LIMCH1: variants seen among roughly 807,000 people sequenced by gnomAD.
LIMCH1 encodes the protein LIM and calponin homology domains-containing protein 1.
LIMCH1 carries 113 observed loss-of-function variants against 176.5 expected under a neutral mutation model. The observed-to-expected ratio is 0.64, with a 90% confidence interval of 0.55 to 0.75. The LOEUF is 0.75. LIMCH1 is among the 30% of genes least tolerant of loss of function. The pLI, the probability that LIMCH1 is intolerant of heterozygous loss-of-function variation, is 0.00. For missense variants in LIMCH1, 1,674 were observed against 1,814.9 expected (o/e 0.92, Z 1.41); for synonymous variants, 619 against 645.9 (o/e 0.96, Z 0.63).
intron 1 of LIMCH1, among the ~76,000 whole-genome samples, chr4:41,397,614 T>C (rs996800854): frequency 6.6e-6 from 1 of 152,008 alleles, no homozygotes; most frequent in Non-Finnish European, 1.5e-5. Flanking sequence ...AAATTTTGTG[T>C]GTTTAAAGAG....
intron 1 of LIMCH1, among the ~76,000 whole-genome samples, chr4:41,560,969 A>G (rs2081991714): frequency 6.6e-6 from 1 of 151,650 alleles, no homozygotes; most frequent in South Asian, 2.1e-4. Context: ...GTGAGCCATG[A>G]TTACAGCACT....
At chr4:41,565,337 T>G (rs1436349090) in intron 1 of LIMCH1, among the ~76,000 whole-genome samples, 1 of 143,536 alleles carries the variant, frequency 7.0e-6, no homozygotes, top group African/African-American at 2.8e-5. Context: ...AGAAGTTAGC[T>G]ATTTCGGATA....
Position 41,646,616 on chromosome 4 carries a change from C to G in LIMCH1, c.2543C>G (p.Pro848Arg), listed in dbSNP as rs778862228. 6.2e-7 allele frequency: 1 copy of G among 1,613,994 alleles called. No homozygotes were observed. Among genetic ancestry groups the G allele is most frequent in the Non-Finnish European group, 8.5e-7 (1 of 1,180,044 alleles). Residue 848 changes from proline (P) to arginine (R), a missense_variant, in exon 17 of 32, where the codon CCA becomes CGA. Pro to Arg is a moderately radical substitution (Grantham distance 103, BLOSUM62 -2). Coordinates refer to ENST00000503057, the MANE Select transcript of LIMCH1 (RefSeq NM_001330672.2). ...GCTGTTCTCGAACGCTTGGAGATGC[C>G]AAAAATTCTGGAAAGAAGCCATTCA... ...SEAVLERLEM[P>R]KILERSHSTE...
chr4:41,414,459 C>T (rs2059750338), intron 1 of LIMCH1, among the ~76,000 whole-genome samples: 1 of 152,202 alleles, frequency 6.6e-6, no homozygotes, highest in African/African-American at 2.4e-5. Context: ...TTGATCCTTA[C>T]CGTAGTGATT....
In LIMCH1 at chr4:41,631,241, A is replaced by G. The variant is rs1278842356; in HGVS notation, c.1365A>G (p.Ala455=). ...GTGATGACTTTGCCAACCGCAAAGCAAGGGCCTCTAAGAAAGCTTCCAGCC... is the reference window on the plus strand; with the variant it reads ...GTGATGACTTTGCCAACCGCAAAGCGAGGGCCTCTAAGAAAGCTTCCAGCC... ...AIRDDFANRK[A]RASKKASSPR... The change falls in exon 10 of 32, where the codon GCA becomes GCG. Residue 455 remains alanine (A), a synonymous_variant. Coordinates refer to ENST00000503057, the MANE Select transcript of LIMCH1 (RefSeq NM_001330672.2). 2 of 1,536,054 alleles carry G rather than the reference A, an allele frequency of 1.3e-6. No individual in the cohort carries two copies. The highest frequency in any genetic ancestry group is 1.7e-6 in the Non-Finnish European group (2 of 1,146,928).
At chr4:41,368,387 A>G (rs185595093) in intron 1 of LIMCH1, among the ~76,000 whole-genome samples, 1 of 152,364 alleles carries the variant, frequency 6.6e-6, no homozygotes, top group East Asian at 1.9e-4. Flanking sequence ...TCCTGCCCTC[A>G]TGAAATATAC....
intron 14 of LIMCH1, among the ~76,000 whole-genome samples, chr4:41,640,545 A>C (rs2093776586): frequency 6.6e-6 from 1 of 152,206 alleles, no homozygotes; most frequent in Admixed American, 6.5e-5. Flanking sequence ...AGGGACCAAG[A>C]AGAGTAAAAG....
intron 1 of LIMCH1, among the ~76,000 whole-genome samples, chr4:41,569,665 A>G (rs1235132651): frequency 6.6e-6 from 1 of 152,166 alleles, no homozygotes; most frequent in Admixed American, 6.5e-5. Flanking sequence ...AATATATTGT[A>G]TGTACTCGGA....
At chr4:41,438,216 G>A (rs1273331027) in intron 1 of LIMCH1, among the ~76,000 whole-genome samples, 2 of 152,106 alleles carry the variant, frequency 1.3e-5, no homozygotes, top group Non-Finnish European at 2.9e-5. Flanking sequence ...GAACAGAGAT[G>A]TACCCTCCAT....
chr4:41,454,947 T>C (rs1448689197), intron 1 of LIMCH1, among the ~76,000 whole-genome samples: 4 of 126,594 alleles, frequency 3.2e-5, no homozygotes, highest in African/African-American at 1.7e-4. Context: ...TACATGTGTG[T>C]GTGTGTGTGT....
chr4:41,646,288 C>G lies in LIMCH1; in HGVS notation c.2411+8C>G, dbSNP rs1434056034. 8.1e-6 allele frequency: 13 copies of G among 1,597,362 alleles called. No individual in the cohort carries two copies. Among genetic ancestry groups the G allele is most frequent in the Non-Finnish European group, 1.1e-5 (13 of 1,175,626 alleles). ...AGAAATTGTTCAAGAAAAGTGAGTTCTTTCTGTTGTCGTTTTTAATGTACA... is the reference window on the plus strand; with the variant it reads ...AGAAATTGTTCAAGAAAAGTGAGTTGTTTCTGTTGTCGTTTTTAATGTACA... On this transcript the variant is annotated splice_region_variant and intron_variant, in intron 16 of 31. Transcript: ENST00000503057.
rs144739692 is a variant in LIMCH1 at position 41,514,095 on chromosome 4, G to A, written c.168-10314G>A. ...TAAATCGTTAGCAGGTCTAAAGTCC[G>A]TGATAGTTCCAAAACTGATGTTTTG... On this transcript the variant is annotated intron_variant, in intron 2 of 26. Transcript: ENST00000313860. 6.9e-5 allele frequency among the ~76,000 whole-genome samples: 10 copies of A among 144,784 alleles called. No homozygotes were observed. In the East Asian group the frequency reaches 1.3e-3, roughly 18 times the overall value. 95.0% of individuals were successfully genotyped at this position (144,784 alleles called of 152,430 possible).
At chr4:41,498,971 C>G (rs978044670) in intron 2 of LIMCH1, among the ~76,000 whole-genome samples, 1 of 151,704 alleles carries the variant, frequency 6.6e-6, no homozygotes, top group African/African-American at 2.4e-5. Flanking sequence ...CTATATGTGG[C>G]TCACAAAGCC....
chr4:41,433,748 G>A (rs1303340338), intron 1 of LIMCH1, among the ~76,000 whole-genome samples: 2 of 151,726 alleles, frequency 1.3e-5, no homozygotes, highest in Non-Finnish European at 2.9e-5. Flanking sequence ...GAAAGTGGCA[G>A]CATGTTACTT....
At chr4:41,638,381 G>A (rs941285001) in intron 13 of LIMCH1, among the ~76,000 whole-genome samples, 8 of 152,136 alleles carry the variant, frequency 5.3e-5, no homozygotes, top group Non-Finnish European at 8.8e-5. Flanking sequence ...AAATGCATGC[G>A]GAAGGCACTG....
chr4:41,566,594 T>C (rs926059033), intron 1 of LIMCH1, among the ~76,000 whole-genome samples: 1 of 151,976 alleles, frequency 6.6e-6, no homozygotes, highest in African/African-American at 2.4e-5. Context: ...TGAGGAGAAG[T>C]CACTAGGAGC....
intron 5 of LIMCH1, among the ~76,000 whole-genome samples, chr4:41,613,987 G>A (rs1185037026): frequency 1.3e-5 from 2 of 152,188 alleles, no homozygotes; most frequent in African/African-American, 2.4e-5. Context: ...GTGTGCTGGA[G>A]GTTTATATAC....
chr4:41,511,153 G>A (rs1301940998), intron 2 of LIMCH1, among the ~76,000 whole-genome samples: 2 of 152,140 alleles, frequency 1.3e-5, no homozygotes, highest in Non-Finnish European at 2.9e-5. Context: ...CTGTCTGGGT[G>A]CAATGATTCT....
Position 41,687,833 on chromosome 4 carries a change from A to G in LIMCH1, c.4089-7A>G. 3 of 1,607,610 alleles carry G rather than the reference A, an allele frequency of 1.9e-6. No homozygotes were observed. Among genetic ancestry groups the G allele is most frequent in the Non-Finnish European group, 2.6e-6 (3 of 1,174,594 alleles). ...TCATAATTTTTGACTCCTTTACCAC[A>G]TTACAGGAAAAGTCCCCGAGAGCAC... On this transcript the variant is annotated splice_polypyrimidine_tract_variant and splice_region_variant and intron_variant, in intron 28 of 31. Transcript: ENST00000503057.
Sources: allele counts gnomAD v4.1 joint callset (sites outside exome capture counted in the v4.1 genomes callset), GRCh38; gene constraint gnomAD v4.1.1; transcripts MANE v1.5; gene names NCBI Gene and HGNC (gene_info 2026-07-23, HGNC 2026-07-21).